NLRP14: variants seen among roughly 807,000 people sequenced by gnomAD.
NLRP14 encodes NLR family pyrin domain containing 14.
NLRP14 carries 105 observed loss-of-function variants against 94.7 expected under a neutral mutation model. That is an observed-to-expected ratio of 1.11 (90% CI 0.95 to 1.30). The LOEUF is 1.30. Among genes scored for constraint, NLRP14 ranks in the 50% most tolerant of loss-of-function variants. The pLI is 0.00. For missense variants in NLRP14, 1,362 were observed against 1,254.1 expected (o/e 1.09, Z -1.30); for synonymous variants, 508 against 459.9 (o/e 1.10, Z -1.34).
At position 7,070,281 on chromosome 11, in the gene NLRP14, T is replaced by C. The variant is rs1351063875; in HGVS notation, c.2976-5T>C. 1.9e-6 allele frequency: 3 copies of C among 1,603,994 alleles called. No homozygotes were observed. The highest frequency in any genetic ancestry group is 1.3e-5 in the African/African-American group (1 of 74,774). ...ATTTTTATCTTTTGTCTCTCTTCTC[T>C]ACAGGTTGGAATACTGTGGTTTGAC... On this transcript the variant is annotated splice_polypyrimidine_tract_variant and splice_region_variant and intron_variant, in intron 10 of 11. Transcript: ENST00000299481.
downstream of NLRP14, among the ~76,000 whole-genome samples, chr11:7,076,357 G>A (rs1852873758): frequency 6.6e-6 from 1 of 151,924 alleles, no homozygotes; most frequent in Non-Finnish European, 1.5e-5. Context: ...TATTCTTTAT[G>A]TTTTATCGTT....
chr11:7,052,279 C>G (rs1589866550), intron 6 of NLRP14, among the ~76,000 whole-genome samples: 1 of 152,276 alleles, frequency 6.6e-6, no homozygotes, highest in East Asian at 1.9e-4. Context: ...GCAGAGCACT[C>G]TCTATATCTT....
Position 7,042,464 on chromosome 11 carries a change from G to T in NLRP14, c.438G>T (p.Lys146Asn). The change falls in exon 4 of 12, where the codon AAG becomes AAT. Residue 146 changes from lysine to asparagine, a missense_variant. By Grantham distance (94) the Lys-to-Asn change is moderately conservative. Coordinates refer to ENST00000299481, the MANE Select transcript of NLRP14 (RefSeq NM_176822.4). ...GGGACAAGAAGTCTTTGGCTGGAAA[G>T]CCTGAAGATTTCCATCATGGAATTG... is the stretch of plus-strand genomic sequence containing the variant. The part of the protein sequence containing the change: ...ITWDKKSLAG[K>N]PEDFHHGIAE... The T allele has an allele frequency of 6.2e-7, 1 of 1,613,404 alleles. No homozygotes were observed. Among genetic ancestry groups the T allele is most frequent in the Non-Finnish European group, 8.5e-7 (1 of 1,179,268 alleles).
rs1346065397 is a variant in NLRP14 at position 7,049,814 on chromosome 11, C to G, written c.2267C>G (p.Pro756Arg). 1.2e-5 allele frequency: 19 copies of G among 1,612,700 alleles called. No homozygotes were observed. Among genetic ancestry groups the G allele is most frequent in the Non-Finnish European group, 1.4e-5 (16 of 1,178,780 alleles). Residue 756 changes from proline (P) to arginine (R), a missense_variant, in exon 6 of 12, where the codon CCA becomes CGA. Transcript: ENST00000299481. The part of the protein sequence containing the change: ...VKSLCEALKH[P>R]ECKLQTLRLE... Reference sequence around the variant, plus strand: ...TCATTGTGTGAGGCCTTGAAACACCCAGAGTGTAAACTACAGACTCTCAGG... The same window carrying G: ...TCATTGTGTGAGGCCTTGAAACACCGAGAGTGTAAACTACAGACTCTCAGG...
At position 7,043,460 on chromosome 11, in the gene NLRP14, C is replaced by T. The variant is rs1565016988; in HGVS notation, c.1434C>T (p.Phe478=). The change falls in exon 4 of 12, where the codon TTC becomes TTT. Residue 478 remains phenylalanine, a synonymous_variant. Coordinates refer to ENST00000299481, the MANE Select transcript of NLRP14 (RefSeq NM_176822.4). ...KDAEYENCYV[F]THLHVQEFFA... The stretch of plus-strand genomic sequence containing the variant: ...CAGAGTATGAAAACTGCTATGTGTT[C>T]ACCCACCTTCATGTTCAGGAGTTTT... 6.2e-7 allele frequency: 1 copy of T among 1,614,158 alleles called. No individual in the cohort carries two copies. Among genetic ancestry groups the T allele is most frequent in the Non-Finnish European group, 8.5e-7 (1 of 1,180,028 alleles).
rs781389174 is a variant in NLRP14, at chr11:7,057,839, G to C, written c.2454G>C (p.Glu818Asp). The change falls in exon 7 of 12, where the codon GAG (glutamate) becomes GAC (aspartate). Residue 818 changes from glutamate (E) to aspartate (D), a missense_variant. Glu to Asp is a conservative substitution (Grantham distance 45, BLOSUM62 2). Coordinates refer to ENST00000299481, the MANE Select transcript of NLRP14 (RefSeq NM_176822.4). ...TAAGACATCCAAAGTGTTATCTAGA[G>C]AGACTGTCGTGAGTGTTTCTGTTTT... is the stretch of plus-strand genomic sequence containing the variant. ...EALRHPKCYL[E>D]RLSLESCGLT... The C allele has an allele frequency of 9.9e-6, 16 of 1,611,602 alleles. No individual in the cohort carries two copies. Among genetic ancestry groups the C allele is most frequent in the Non-Finnish European group, 8.5e-7 (1 of 1,177,970 alleles).
Position 7,070,422 on chromosome 11 carries a change from T to G in NLRP14, c.3112T>G (p.Leu1038Val). 6.2e-7 allele frequency: 1 copy of G among 1,612,044 alleles called. No homozygotes were observed. Residue 1038 changes from leucine (L) to valine (V), a missense_variant, in exon 11 of 12, where the codon TTG becomes GTG. Transcript: ENST00000299481. The stretch of plus-strand genomic sequence containing the variant: ...AGGAATTGTGAAGTTATATAAAGTC[T>G]TGAAGTCTCCTAAGTGTAAACTACA... ...YEGIVKLYKV[L>V]KSPKCKLQVL...
chr11:7,055,516 G>A (rs1852504722), intron 6 of NLRP14, among the ~76,000 whole-genome samples: 1 of 152,058 alleles, frequency 6.6e-6, no homozygotes. Flanking sequence ...TGAGTTCCTG[G>A]GAGTTCATCT....
chr11:7,065,901 C>A (rs1364995573), intron 10 of NLRP14, among the ~76,000 whole-genome samples: 1 of 152,032 alleles, frequency 6.6e-6, no homozygotes, highest in African/African-American at 2.4e-5. Flanking sequence ...ATGTTCCCCT[C>A]TGTGTGTCCA....
intron 10 of NLRP14, among the ~76,000 whole-genome samples, chr11:7,064,445 G>C (rs1852674862): frequency 6.6e-6 from 1 of 151,962 alleles, no homozygotes; most frequent in Non-Finnish European, 1.5e-5. Context: ...TTGGATCTAG[G>C]AGAAAAAAGA....
At chr11:7,063,617 C>T (rs768201353) in intron 10 of NLRP14, among the ~76,000 whole-genome samples, 4 of 152,070 alleles carry the variant, frequency 2.6e-5, no homozygotes, top group Non-Finnish European at 4.4e-5. Flanking sequence ...CCCCTTGTTT[C>T]TACACAGTAA....
At chr11:7,066,525 T>C (rs529598790) in intron 10 of NLRP14, among the ~76,000 whole-genome samples, 1 of 152,360 alleles carries the variant, frequency 6.6e-6, no homozygotes, top group African/African-American at 2.4e-5. Flanking sequence ...AAGTGTCTGT[T>C]CATATCCTTT....
In NLRP14 at chr11:7,043,663, G is replaced by A; in HGVS notation, c.1637G>A (p.Arg546Lys). ...GAAGATCGAGTAAAACAACTGGAGA[G>A]GACTTTTAACTGTAAAATGTCACTG... ...LNEDRVKQLERTFNCKMSLKI... is the reference protein window; with the variant it reads ...LNEDRVKQLEKTFNCKMSLKI... Residue 546 changes from arginine to lysine, a missense_variant, in exon 4 of 12, where the codon AGG becomes AAG. Arg to Lys is a conservative substitution (Grantham distance 26). Transcript: ENST00000299481. 1.2e-6 allele frequency: 2 copies of A among 1,613,920 alleles called. No homozygotes were observed. Among genetic ancestry groups the A allele is most frequent in the Non-Finnish European group, 1.7e-6 (2 of 1,179,846 alleles).
At chr11:7,058,560 C>T in intron 8 of NLRP14, 110 bp downstream of exon 8, 2 of 803,404 alleles carry the variant, frequency 2.5e-6, no homozygotes, top group Non-Finnish European at 4.1e-6. Flanking sequence ...CCCTGTTACC[C>T]TTAATGAAGA....
intron 6 of NLRP14, among the ~76,000 whole-genome samples, chr11:7,055,275 A>G (rs1852501490): frequency 1.3e-5 from 2 of 152,130 alleles, no homozygotes; most frequent in South Asian, 4.1e-4. Flanking sequence ...TCTCTTGGCA[A>G]TATCATTCCT....
chr11:7,060,575 G>C (rs1852602346), intron 9 of NLRP14, among the ~76,000 whole-genome samples: 2 of 151,844 alleles, frequency 1.3e-5, no homozygotes, highest in Non-Finnish European at 2.9e-5. Flanking sequence ...CCATGAAGCT[G>C]AAATTGTGCT....
chr11:7,042,411 A>G lies in NLRP14; in HGVS notation c.385A>G (p.Arg129Gly), dbSNP rs1852266811. 1 of 1,613,914 alleles carries G rather than the reference A, an allele frequency of 6.2e-7. No individual in the cohort carries two copies. The highest frequency in any genetic ancestry group is 8.5e-7 in the Non-Finnish European group (1 of 1,179,846). Residue 129 changes from arginine to glycine, a missense_variant, in exon 4 of 12, where the codon AGA becomes GGA. By Grantham distance (125) the Arg-to-Gly change is moderately radical. Transcript: ENST00000299481. ...VLGDGTEYRN[R>G]IKEKFCITWD... ...AGGTGATGGAACAGAATACAGAAAT[A>G]GAATAAAGGAAAAATTTTGCATCAC...
At chr11:7,054,524 T>C (rs934968407) in intron 6 of NLRP14, among the ~76,000 whole-genome samples, 22 of 152,284 alleles carry the variant, frequency 1.4e-4, no homozygotes, top group African/African-American at 5.3e-4. Flanking sequence ...TAATTTCTCA[T>C]TGTAGTTTTG....
chr11:7,063,254 AAAAAC>A (rs1164336056), intron 10 of NLRP14, among the ~76,000 whole-genome samples: 2 of 152,148 alleles, frequency 1.3e-5, no homozygotes, highest in African/African-American at 4.8e-5. Flanking sequence ...ATGCTGGACA[AAAAAC>A]AAAACCAAAC....
Sources: allele counts gnomAD v4.1 joint callset (sites outside exome capture counted in the v4.1 genomes callset), GRCh38; gene constraint gnomAD v4.1.1; transcripts MANE v1.5; gene names NCBI Gene and HGNC (gene_info 2026-07-23, HGNC 2026-07-21).